The following TMEM273 variants were observed in gnomAD, a reference collection of about 807,000 sequenced individuals.
TMEM273 encodes chromosome 10 open reading frame 128.
Under a neutral mutation model 17.9 loss-of-function variants are expected in TMEM273, and 19 were observed. The ratio of observed to expected loss-of-function variants is 1.06; its 90% CI spans 0.74 to 1.55. TMEM273 has a LOEUF of 1.55. Among genes scored for constraint, TMEM273 ranks in the 40% most tolerant of loss-of-function variants. TMEM273 has a pLI of 0.00. For missense variants in TMEM273, 194 were observed against 155.6 expected (o/e 1.25, Z -1.31); for synonymous variants, 66 against 62.0 (o/e 1.07, Z -0.31).
intron 6 of TMEM273, 43 bp downstream of exon 6, chr10:49,161,556 G>A (rs778417954): frequency 6.2e-6 from 10 of 1,613,834 alleles, no homozygotes; most frequent in Non-Finnish European, 8.5e-6. Flanking sequence ...GGCAGAGACT[G>A]CCTGTCCTCC....
intron 1 of TMEM273, among the ~76,000 whole-genome samples, chr10:49,170,538 A>G (rs948585554): frequency 1.3e-5 from 2 of 152,100 alleles, no homozygotes; most frequent in African/African-American, 4.8e-5. Flanking sequence ...AAGAGGCTCT[A>G]TTTTTGGTGG....
At chr10:49,157,670 G>A (rs1183318661) in intron 6 of TMEM273, among the ~76,000 whole-genome samples, 1 of 152,190 alleles carries the variant, frequency 6.6e-6, no homozygotes, top group Non-Finnish European at 1.5e-5. Context: ...CAGTAAAATA[G>A]GAACTGATGA....
At position 49,167,860 on chromosome 10, in the gene TMEM273, C is replaced by G. The variant is rs375365683; in HGVS notation, c.97+49G>C. 33 of 1,608,696 alleles carry G rather than the reference C, an allele frequency of 2.1e-5. No individual in the cohort carries two copies. The African/African-American group carries it at 4.4e-4, about 21-fold the overall frequency. On this transcript the variant is annotated intron_variant, in intron 2 of 6. Transcript: ENST00000374153. The stretch of plus-strand genomic sequence containing the variant: ...CTCTGCTTGCTTGTCTTGGGAGCTT[C>G]CTTCCTGCCCCTGACCCTGTGCACA...
intron 1 of TMEM273, among the ~76,000 whole-genome samples, chr10:49,174,959 C>T (rs1373127871): frequency 2.6e-5 from 4 of 152,022 alleles, no homozygotes; most frequent in Admixed American, 6.6e-5. Flanking sequence ...TGGGCCAAGG[C>T]GGGCACCTAA....
rs1450722264 is a variant in TMEM273 at position 49,161,576 on chromosome 10, A to G, written c.372+23T>C. The G allele has an allele frequency of 1.9e-6, 3 of 1,614,046 alleles. No homozygotes were observed. In the African/African-American group the frequency reaches 4.0e-5, roughly 22 times the overall value. On this transcript the variant is annotated intron_variant, in intron 6 of 6. Transcript: ENST00000374153. ...AGACTGCCTGTCCTCCTTTTAAGAC[A>G]AGTGATCACTCTTACAACTCACCTT... is the stretch of plus-strand genomic sequence containing the variant.
At chr10:49,170,094 C>G (rs1226237611) in intron 1 of TMEM273, among the ~76,000 whole-genome samples, 1 of 152,204 alleles carries the variant, frequency 6.6e-6, no homozygotes, top group African/African-American at 2.4e-5. Flanking sequence ...AAACTTCATG[C>G]TAGCCTGAGA....
At chr10:49,165,683 G>T (rs1312448903) in intron 4 of TMEM273, 83 bp downstream of exon 4, 1 of 1,569,570 alleles carries the variant, frequency 6.4e-7, no homozygotes, top group East Asian at 2.2e-5. Flanking sequence ...AGAGAAGGCT[G>T]GGGATGACAG....
chr10:49,161,878 G>A (rs1035963470), intron 5 of TMEM273, among the ~76,000 whole-genome samples: 8 of 152,064 alleles, frequency 5.3e-5, no homozygotes, highest in African/African-American at 1.9e-4. Context: ...ACGTGGTGAG[G>A]GCGATGTATT....
intron 1 of TMEM273, among the ~76,000 whole-genome samples, chr10:49,175,815 G>T (rs374036088): frequency 6.6e-6 from 1 of 152,190 alleles, no homozygotes; most frequent in Non-Finnish European, 1.5e-5. Context: ...TGAGGAAGAC[G>T]GGGGTTCTGG....
At chr10:49,182,375 G>A (rs543802321) in intron 1 of TMEM273, among the ~76,000 whole-genome samples, 27 of 152,118 alleles carry the variant, frequency 1.8e-4, no homozygotes, top group African/African-American at 5.5e-4. Flanking sequence ...CTCTTTACCC[G>A]GGCCTCTGCC....
At chr10:49,172,239 G>A (rs1372862217) in intron 1 of TMEM273, among the ~76,000 whole-genome samples, 1 of 152,148 alleles carries the variant, frequency 6.6e-6, no homozygotes, top group East Asian at 1.9e-4. Flanking sequence ...GTTCCAGGGG[G>A]CCCCAGTGCC....
intron 5 of TMEM273, among the ~76,000 whole-genome samples, chr10:49,162,051 G>A (rs562779842): frequency 1.3e-5 from 2 of 152,144 alleles, no homozygotes; most frequent in Admixed American, 6.5e-5. Context: ...AACTATTGGA[G>A]CCATCTTTCC....
intron 1 of TMEM273, among the ~76,000 whole-genome samples, chr10:49,174,697 C>A (rs1178027421): frequency 1.3e-5 from 2 of 152,114 alleles, no homozygotes; most frequent in African/African-American, 4.8e-5. Flanking sequence ...AAAAGGTGTG[C>A]AAAGCAGTGG....
intron 1 of TMEM273, among the ~76,000 whole-genome samples, chr10:49,179,877 C>T (rs1041414807): frequency 3.2e-4 from 49 of 151,960 alleles, no homozygotes; most frequent in African/African-American, 1.1e-3. Context: ...AACCACTCCA[C>T]AACGGTCAAA....
intron 1 of TMEM273, among the ~76,000 whole-genome samples, chr10:49,173,477 C>T (rs544876725): frequency 1.1e-4 from 17 of 152,316 alleles, no homozygotes; most frequent in South Asian, 4.1e-4. Context: ...CTCTCTTTGC[C>T]GCAATGCTTT....
In TMEM273 at chr10:49,176,599, C is replaced by T. The variant is rs189852885; in HGVS notation, c.44-8637G>A. 2.0e-5 allele frequency among the ~76,000 whole-genome samples: 3 copies of T among 152,320 alleles called. No individual in the cohort carries two copies. In the East Asian group the frequency reaches 5.8e-4, roughly 29 times the overall value. On this transcript the variant is annotated intron_variant, in intron 1 of 6. Coordinates refer to ENST00000374153, the MANE Select transcript of TMEM273 (RefSeq NM_001288740.3). ...GGGTTATTATTATTCATGCAATATT[C>T]ATACTGTGCTCTTCAGCCTCTGGGA... is the stretch of plus-strand genomic sequence containing the variant.
intron 6 of TMEM273, chr10:49,156,213 C>A (rs923041668): frequency 3.5e-6 from 5 of 1,415,302 alleles, no homozygotes; most frequent in Middle Eastern, 1.9e-4. Context: ...TTTTGGGAAA[C>A]TTTTCACTTT....
chr10:49,180,447 G>C (rs1210550299), intron 1 of TMEM273, among the ~76,000 whole-genome samples: 1 of 152,228 alleles, frequency 6.6e-6, no homozygotes, highest in Non-Finnish European at 1.5e-5. Context: ...TCAGGTGTCA[G>C]TGGTGGCCAG....
chr10:49,165,713 A>C, intron 4 of TMEM273, 53 bp downstream of exon 4: 2 of 1,610,176 alleles, frequency 1.2e-6, no homozygotes, highest in South Asian at 2.2e-5. Flanking sequence ...TGGCACGGTC[A>C]AGACAGGAGA....
Sources: allele counts gnomAD v4.1 joint callset (sites outside exome capture counted in the v4.1 genomes callset), GRCh38; gene constraint gnomAD v4.1.1; transcripts MANE v1.5; gene names NCBI Gene and HGNC (gene_info 2026-07-23, HGNC 2026-07-21).